Variants in ELOVL2 observed in about 807,000 individuals in gnomAD.
ELOVL2 encodes the protein very long chain fatty acid elongase 2.
ELOVL2 carries 38 observed loss-of-function variants against 37.7 expected under a neutral mutation model. That is an observed-to-expected ratio of 1.01 (90% CI 0.78 to 1.32). The LOEUF is 1.32. ELOVL2 is among the 40% of genes most tolerant of loss of function. The pLI is 0.00. For synonymous variants in ELOVL2, 115 were observed against 122.3 expected, an observed-to-expected ratio of 0.94 and a Z score of 0.40; for missense variants, 352 against 363.6, an observed-to-expected ratio of 0.97 and a Z score of 0.26.
chr6:11,041,818 A>G (rs1783101961), intron 1 of ELOVL2, among the ~76,000 whole-genome samples: 2 of 152,220 alleles, frequency 1.3e-5, no homozygotes, highest in South Asian at 4.1e-4. Context: ...CCATAAATCC[A>G]CATTATAGAA....
chr6:10,993,951 G>A (rs1170895272), intron 5 of ELOVL2, among the ~76,000 whole-genome samples: 7 of 122,688 alleles, frequency 5.7e-5, no homozygotes, highest in Non-Finnish European at 8.0e-5. Flanking sequence ...AAGCGATTTC[G>A]CCTGCCTTGG....
chr6:11,040,175 TACTA>T (rs1783077672), intron 1 of ELOVL2, among the ~76,000 whole-genome samples: 1 of 152,164 alleles, frequency 6.6e-6, no homozygotes. Context: ...CTGGTGGAAT[TACTA>T]ACAGCAAAAG....
chr6:11,039,160 C>G (rs1261881093), intron 1 of ELOVL2, among the ~76,000 whole-genome samples: 1 of 152,200 alleles, frequency 6.6e-6, no homozygotes, highest in African/African-American at 2.4e-5. Flanking sequence ...TCTAACAAAA[C>G]AATCTTGTGA....
At position 10,983,820 on chromosome 6, in the gene ELOVL2, G is replaced by A. The variant is rs1781989104; in HGVS notation, c.852C>T (p.Phe284=). The A allele has an allele frequency of 6.2e-7, 1 of 1,613,372 alleles. No homozygotes were observed. Among genetic ancestry groups the A allele is most frequent in the African/African-American group, 1.3e-5 (1 of 74,868 alleles). ...EVKNGFSKAY[F]TAANGVMNKK... is the part of the protein sequence containing the mutation. Reference sequence around the variant, plus strand: ...TGTTCATCACTCCATTTGCTGCAGTGAAGTAGGCTTTGGAAAAACCATTCT... The same window carrying A: ...TGTTCATCACTCCATTTGCTGCAGTAAAGTAGGCTTTGGAAAAACCATTCT... The change falls in exon 8 of 8, where the codon TTC becomes TTT. Residue 284 remains phenylalanine, a synonymous_variant. Transcript: ENST00000354666.
intron 1 of ELOVL2, among the ~76,000 whole-genome samples, chr6:11,011,125 G>C (rs1367340647): frequency 6.6e-6 from 1 of 152,134 alleles, no homozygotes; most frequent in African/African-American, 2.4e-5. Context: ...AGCACTTTGG[G>C]AGGCTGAGGC....
chr6:10,987,393 T>C (rs1782071201), intron 7 of ELOVL2, among the ~76,000 whole-genome samples: 1 of 152,194 alleles, frequency 6.6e-6, no homozygotes, highest in African/African-American at 2.4e-5. Flanking sequence ...TCTGCTAGCT[T>C]TTGAATGTGT....
intron 3 of ELOVL2, among the ~76,000 whole-genome samples, chr6:11,001,043 A>G (rs3798709): frequency 0.18 from 27,937 of 152,204 alleles, 3,443 homozygotes; most frequent in East Asian, 0.44. Context: ...TGGATCAGGT[A>G]TTACAGGCGA....
intron 1 of ELOVL2, among the ~76,000 whole-genome samples, chr6:11,014,006 C>T (rs1322879878): frequency 6.6e-6 from 1 of 152,164 alleles, no homozygotes. Flanking sequence ...TCCAGAACAA[C>T]TCCTTGCCCT....
chr6:11,014,017 T>TA (rs1782628781), intron 1 of ELOVL2, among the ~76,000 whole-genome samples: 1 of 152,154 alleles, frequency 6.6e-6, no homozygotes, highest in South Asian at 2.1e-4. Flanking sequence ...TCCTTGCCCT[T>TA]ACAAGAAAGT....
intron 4 of ELOVL2, among the ~76,000 whole-genome samples, chr6:10,996,280 C>A (rs1782267026): frequency 6.6e-6 from 1 of 152,184 alleles, no homozygotes; most frequent in Non-Finnish European, 1.5e-5. Context: ...TATTAAACTA[C>A]AAATAAATAT....
chr6:11,034,876 G>A (rs1457457098), intron 1 of ELOVL2, among the ~76,000 whole-genome samples: 3 of 145,290 alleles, frequency 2.1e-5, no homozygotes, highest in Admixed American at 6.9e-5. Flanking sequence ...GGTGGCATGC[G>A]CCTGTAATCC....
chr6:10,981,430 T>A lies in ELOVL2; in HGVS notation c.*2351A>T, dbSNP rs1781933713. 2 of 152,688 alleles carry A rather than the reference T, an allele frequency of 1.3e-5. No individual in the cohort carries two copies. The highest frequency in any genetic ancestry group is 2.9e-5 in the Non-Finnish European group (2 of 68,054). 9.5% of individuals were successfully genotyped at this position (152,688 alleles called of 1,614,324 possible). A position where few individuals can be genotyped will look rare whatever the true frequency, so the allele number is the denominator to read the frequency against. On this transcript the variant is annotated 3_prime_UTR_variant, in exon 8 of 8. Transcript: ENST00000354666. Reference sequence around the variant, plus strand: ...TTGTGGCTAAGATTTCATAACTATTTTTTTAATTAGCCCTTGAATGGTTTA... The same window carrying A: ...TTGTGGCTAAGATTTCATAACTATTATTTTAATTAGCCCTTGAATGGTTTA...
At chr6:10,986,268 T>C (rs1404006462) in intron 7 of ELOVL2, among the ~76,000 whole-genome samples, 1 of 152,058 alleles carries the variant, frequency 6.6e-6, no homozygotes, top group Non-Finnish European at 1.5e-5. Flanking sequence ...TGGGGTTTTC[T>C]AGATATACAA....
At chr6:11,003,218 T>C (rs941754895) in intron 3 of ELOVL2, among the ~76,000 whole-genome samples, 5 of 152,182 alleles carry the variant, frequency 3.3e-5, no homozygotes, top group Non-Finnish European at 5.9e-5. Context: ...ACAAGTGCCA[T>C]GGTGGTTTGC....
chr6:10,984,106 C>G (rs1781995990), intron 7 of ELOVL2, among the ~76,000 whole-genome samples, 200 bp from the exon 8 acceptor site: 1 of 152,184 alleles, frequency 6.6e-6, no homozygotes, highest in South Asian at 2.1e-4. Context: ...CGACCTCCGC[C>G]TCCCGGGTTC....
intron 1 of ELOVL2, among the ~76,000 whole-genome samples, chr6:11,025,641 T>C (rs772506036): frequency 1.3e-4 from 20 of 152,152 alleles, no homozygotes; most frequent in Admixed American, 1.1e-3. Context: ...AGCACACCCA[T>C]TCAAAGCCAT....
At chr6:11,012,147 G>A (rs1424637380) in intron 1 of ELOVL2, among the ~76,000 whole-genome samples, 2 of 152,116 alleles carry the variant, frequency 1.3e-5, no homozygotes, top group East Asian at 3.8e-4. Context: ...GTATGTCTTC[G>A]GGAACTTTAG....
intron 4 of ELOVL2, among the ~76,000 whole-genome samples, chr6:10,998,880 A>T (rs1052804927): frequency 6.6e-6 from 1 of 152,148 alleles, no homozygotes; most frequent in Non-Finnish European, 1.5e-5. Context: ...AAAAACAAAT[A>T]AAGTTAATTC....
chr6:11,025,195 TC>T (rs1031994733), intron 1 of ELOVL2, among the ~76,000 whole-genome samples: 3 of 152,148 alleles, frequency 2.0e-5, no homozygotes, highest in Non-Finnish European at 4.4e-5. Context: ...AATAGCAGAT[TC>T]AAGCCCTCCC....
Sources: gnomAD v4.1 joint callset for allele counts (sites outside exome capture counted in the v4.1 genomes callset) on GRCh38, gnomAD v4.1.1 for gene constraint, MANE v1.5 for transcripts, NCBI Gene and HGNC (gene_info 2026-07-23, HGNC 2026-07-21) for gene names.